The following SYNE2 variants were observed in gnomAD, a reference collection of about 807,000 sequenced individuals.
The protein encoded by SYNE2 is spectrin repeat containing nuclear envelope protein 2, also known as nesprin-2.
In SYNE2, 431 loss-of-function variants were observed where a neutral mutation model predicts 856.3. That is an observed-to-expected ratio of 0.50 (90% CI 0.47 to 0.55). The LOEUF (loss-of-function observed/expected upper bound fraction) is 0.55, where lower values mean the gene tolerates loss of function less well. SYNE2 is among the 20% of genes least tolerant of loss of function. SYNE2 has a pLI of 0.00. For synonymous variants in SYNE2, 2,923 were observed against 2,872.3 expected (o/e 1.02, Z -0.56); for missense variants, 8,129 against 8,023.2 (o/e 1.01, Z -0.50).
At chr14:64,221,160 G>A (rs754044864) in intron 111 of SYNE2, among the ~76,000 whole-genome samples, 8 of 152,074 alleles carry the variant, frequency 5.3e-5, no homozygotes, top group African/African-American at 9.7e-5. Flanking sequence ...AATGCACAGC[G>A]GGTGTGAGCT....
intron 1 of SYNE2, among the ~76,000 whole-genome samples, chr14:63,835,566 C>T (rs1889823760): frequency 6.7e-6 from 1 of 149,360 alleles, no homozygotes; most frequent in Non-Finnish European, 1.5e-5. Flanking sequence ...TAGATATTTG[C>T]GTGTGTGTGT....
chr14:64,213,124 G>A, intron 105 of SYNE2, 119 bp downstream of exon 105: 1 of 1,043,334 alleles, frequency 9.6e-7, no homozygotes, highest in Non-Finnish European at 1.4e-6. Context: ...TTTTTTGGTT[G>A]AAAAGAAAGG....
chr14:64,190,031 G>A, intron 98 of SYNE2, 40 bp from the exon 99 acceptor site: 1 of 1,609,958 alleles, frequency 6.2e-7, no homozygotes, highest in East Asian at 2.2e-5. Context: ...AATGAGTTTG[G>A]GCTAATTAGC....
chr14:64,220,641 C>T lies in SYNE2; in HGVS notation c.20061+4C>T, dbSNP rs373128678. On this transcript the variant is annotated splice_donor_region_variant and intron_variant, in intron 111 of 115. Coordinates refer to ENST00000555002, the MANE Select transcript of SYNE2 (RefSeq NM_182914.3). ...ACAGTCGCTCATGCAGTGCCAGGTA[C>T]GCTGACTCAGCAGCCCGCCTCCCAG... 313 of 1,613,568 alleles carry T rather than the reference C, an allele frequency of 1.9e-4. No individual in the cohort carries two copies. In the Middle Eastern group the frequency reaches 3.9e-3, roughly 20 times the overall value.
intron 99 of SYNE2, chr14:64,190,965 C>T (rs2098515739): frequency 1.4e-6 from 1 of 702,328 alleles, no homozygotes; most frequent in Non-Finnish European, 2.6e-6. Context: ...ATACAGCGAA[C>T]CGTCACTTGG....
At chr14:64,066,757 A>T (rs2097361578) in intron 51 of SYNE2, among the ~76,000 whole-genome samples, 2 of 152,260 alleles carry the variant, frequency 1.3e-5, no homozygotes, top group East Asian at 3.9e-4. Flanking sequence ...CTGTGCTGAG[A>T]AGGCAGTTCA....
intron 79 of SYNE2, among the ~76,000 whole-genome samples, chr14:64,138,875 C>T (rs764280121): frequency 6.7e-6 from 1 of 150,136 alleles, no homozygotes; most frequent in African/African-American, 2.5e-5. Context: ...GTTCAGCCAG[C>T]AGCAGTTTGT....
intron 85 of SYNE2, among the ~76,000 whole-genome samples, chr14:64,154,007 T>G (rs1490456702): frequency 1.3e-5 from 2 of 152,010 alleles, no homozygotes. Flanking sequence ...TCTGCATTCA[T>G]ACAATATACA....
intron 61 of SYNE2, 105 bp downstream of exon 61, chr14:64,093,585 G>A: frequency 9.1e-6 from 11 of 1,202,438 alleles, no homozygotes; most frequent in Non-Finnish European, 1.4e-5. Flanking sequence ...GTGGTGCAGT[G>A]TAACACCTGT....
intron 1 of SYNE2, among the ~76,000 whole-genome samples, chr14:63,892,656 G>A (rs2095159865): frequency 6.6e-6 from 1 of 151,424 alleles, no homozygotes; most frequent in African/African-American, 2.4e-5. Flanking sequence ...AAGACCCGAG[G>A]TTAAAAATTA....
chr14:64,134,714 C>T (rs1445417080), intron 78 of SYNE2, among the ~76,000 whole-genome samples: 2 of 152,096 alleles, frequency 1.3e-5, no homozygotes, highest in Non-Finnish European at 2.9e-5. Flanking sequence ...CGATGGCTCA[C>T]ACCTGTAATC....
chr14:63,890,799 A>G (rs1257524470), intron 1 of SYNE2, among the ~76,000 whole-genome samples: 1 of 152,192 alleles, frequency 6.6e-6, no homozygotes, highest in African/African-American at 2.4e-5. Context: ...GGTTAGGAAG[A>G]TTGAAATTGC....
rs1365792951 is a variant in SYNE2 at position 64,102,001 on chromosome 14, G to A, written c.12451G>A (p.Glu4151Lys). Residue 4151 changes from glutamate (E) to lysine (K), a missense_variant, in exon 64 of 116, where the codon GAA becomes AAA. This residue lies in a region of SYNE2 where 5,410 missense variants were observed against 5,284.8 expected (regional missense o/e 1.02). Transcript: ENST00000555002. ...ACTTTGGAAGCATGACAAGGACATG[G>A]AAGAAGACAGAGCTTCCTCATCCTC... is the stretch of plus-strand genomic sequence containing the variant. ...SSLWKHDKDMEEDRASSSSGT... is the reference protein window; with the variant it reads ...SSLWKHDKDMKEDRASSSSGT... 1 of 1,613,950 alleles carries A rather than the reference G, an allele frequency of 6.2e-7. No individual in the cohort carries two copies. The highest frequency in any genetic ancestry group is 2.2e-5 in the East Asian group (1 of 44,888).
intron 1 of SYNE2, among the ~76,000 whole-genome samples, chr14:63,778,244 C>G (rs1364158489): frequency 6.6e-6 from 1 of 152,104 alleles, no homozygotes; most frequent in Non-Finnish European, 1.5e-5. Flanking sequence ...CTCACCTGCC[C>G]CGTTGTAAGA....
At chr14:63,944,568 G>T (rs1333857114) in intron 6 of SYNE2, among the ~76,000 whole-genome samples, 2 of 131,912 alleles carry the variant, frequency 1.5e-5, no homozygotes, top group Non-Finnish European at 3.1e-5. Flanking sequence ...CTGTTGCCCA[G>T]GCTGGAGTGC....
Position 64,003,338 on chromosome 14 carries a change from T to C in SYNE2, c.4397+8T>C. On this transcript the variant is annotated splice_region_variant and intron_variant, in intron 30 of 115. Transcript: ENST00000555002. Reference sequence around the variant, plus strand: ...TCCAGCTGTGAAACATCGGTAAGTATTGTCCATCCATTTCCATCCAAGGTG... The same window carrying C: ...TCCAGCTGTGAAACATCGGTAAGTACTGTCCATCCATTTCCATCCAAGGTG... 6.2e-7 allele frequency: 1 copy of C among 1,614,056 alleles called. No homozygotes were observed. The highest frequency in any genetic ancestry group is 8.5e-7 in the Non-Finnish European group (1 of 1,180,018).
intron 1 of SYNE2, among the ~76,000 whole-genome samples, chr14:63,905,610 G>A (rs763010684): frequency 6.6e-6 from 1 of 152,088 alleles, no homozygotes; most frequent in Non-Finnish European, 1.5e-5. Flanking sequence ...GATGTTACTG[G>A]TGTATAGAAA....
chr14:63,767,931 C>T lies in SYNE2; in HGVS notation c.-305+5945C>T, dbSNP rs142253079. Among the ~76,000 whole-genome samples, 549 of 152,190 alleles carry T rather than the reference C, an allele frequency of 3.6e-3. 4 individuals carry two copies. Among genetic ancestry groups the T allele is most frequent in the African/African-American group, 0.013 (525 of 41,538 alleles). ...TGTGTAAGCTGGGCACAGTAGCTCA[C>T]GCCTGTAATCCCAGCACTTTGGGAA... On this transcript the variant is annotated intron_variant, in intron 1 of 23. Coordinates refer to the SYNE2 transcript ENST00000674003.
At chr14:64,061,304 T>G (rs775314598) in intron 49 of SYNE2, among the ~76,000 whole-genome samples, 6 of 152,214 alleles carry the variant, frequency 3.9e-5, no homozygotes, top group Non-Finnish European at 7.4e-5. Flanking sequence ...TAGCTATTGA[T>G]GGACATTTGG....
Sources: allele counts gnomAD v4.1 joint callset (sites outside exome capture counted in the v4.1 genomes callset), GRCh38; gene constraint gnomAD v4.1.1; regional missense constraint gnomAD v4.1.1; transcripts MANE v1.5; gene names NCBI Gene and HGNC (gene_info 2026-07-23, HGNC 2026-07-21).